SLC4A8: variants seen among roughly 807,000 people sequenced by gnomAD.
SLC4A8 encodes the protein solute carrier family 4 member 8, also known as electroneutral sodium bicarbonate exchanger 1.
SLC4A8 carries 40 observed loss-of-function variants against 125.0 expected under a neutral mutation model. The ratio of observed to expected loss-of-function variants is 0.32; its 90% CI spans 0.25 to 0.42. The LOEUF (loss-of-function observed/expected upper bound fraction) is 0.42. Among genes scored for constraint, SLC4A8 ranks in the 10% least tolerant of loss-of-function variants. SLC4A8 has a pLI of 1.00. For missense variants in SLC4A8, 863 were observed against 1,355.1 expected, an observed-to-expected ratio of 0.64 and a Z score of 5.70; for synonymous variants, 456 against 476.0, an observed-to-expected ratio of 0.96 and a Z score of 0.55.
At chr12:51,478,823 C>T (rs1308069377) in intron 16 of SLC4A8, among the ~76,000 whole-genome samples, 1 of 152,194 alleles carries the variant, frequency 6.6e-6, no homozygotes, top group Non-Finnish European at 1.5e-5. Flanking sequence ...GTGACTGGGG[C>T]CCCTGTCTCA....
chr12:51,412,297 T>C (rs1948610072), intron 1 of SLC4A8, among the ~76,000 whole-genome samples: 1 of 152,194 alleles, frequency 6.6e-6, no homozygotes, highest in Non-Finnish European at 1.5e-5. Context: ...TTAAAAATGT[T>C]CTAGTTGATG....
At chr12:51,480,641 C>T (rs1451143140) in intron 16 of SLC4A8, 2 of 984,922 alleles carry the variant, frequency 2.0e-6, no homozygotes, top group African/African-American at 1.7e-5. Flanking sequence ...GTTCATTGAT[C>T]TAAATGCCCG....
chr12:51,414,557 C>T (rs755895347), intron 1 of SLC4A8, among the ~76,000 whole-genome samples: 1 of 152,092 alleles, frequency 6.6e-6, no homozygotes, highest in Non-Finnish European at 1.5e-5. Flanking sequence ...TTGAGACCAG[C>T]CTGGGCAACA....
At position 51,404,371 on chromosome 12, in the gene SLC4A8, T is replaced by C. The variant is rs533107638; in HGVS notation, c.-112+12883T>C. Among the ~76,000 whole-genome samples the C allele has an allele frequency of 1.6e-4, 24 of 152,286 alleles. No homozygotes were observed. The South Asian group carries it at 5.0e-3, about 32-fold the overall frequency. ...CTTTTAGGGAACTACCTTCCTTTGA[T>C]TCTTAGTCCATGAAATTCAGATGAG... On this transcript the variant is annotated intron_variant, in intron 1 of 24. Transcript: ENST00000358657.
At chr12:51,470,335 C>T in intron 12 of SLC4A8, 57 bp from the exon 13 acceptor site, 1 of 1,554,152 alleles carries the variant, frequency 6.4e-7, no homozygotes, top group Non-Finnish European at 8.8e-7. Flanking sequence ...GTAGCTAAGC[C>T]AACATTACTC....
At chr12:51,400,854 G>A (rs1413369892) in intron 1 of SLC4A8, among the ~76,000 whole-genome samples, 14 of 114,482 alleles carry the variant, frequency 1.2e-4, no homozygotes, top group Non-Finnish European at 7.1e-5. Flanking sequence ...GTTTATATAC[G>A]TATATAAACA....
rs188497605 is a variant in SLC4A8, at chr12:51,413,381, G to C, written c.-112+21893G>C. On this transcript the variant is annotated intron_variant, in intron 1 of 24. Transcript: ENST00000358657. ...CTACAGGTTGTCTCTTTACTCTGTT[G>C]ATTGTTTCCTTTGCAGTGAAAGAGC... 9.7e-4 allele frequency among the ~76,000 whole-genome samples: 148 copies of C among 152,220 alleles called. 1 individual carries two copies. The highest frequency in any genetic ancestry group is 3.4e-3 in the African/African-American group (141 of 41,536).
chr12:51,500,779 C>T (rs184398054), intron 22 of SLC4A8, among the ~76,000 whole-genome samples: 4 of 151,124 alleles, frequency 2.6e-5, no homozygotes, highest in African/African-American at 7.3e-5. Context: ...CTCCGCCTCC[C>T]GGGTTCACGC....
intron 16 of SLC4A8, among the ~76,000 whole-genome samples, 161 bp downstream of exon 16, chr12:51,475,367 T>C (rs1443644276): frequency 6.6e-6 from 1 of 152,224 alleles, no homozygotes. Context: ...GCAGCCTCTT[T>C]CATAGATCTG....
At chr12:51,464,538 G>A (rs993474662) in intron 11 of SLC4A8, among the ~76,000 whole-genome samples, 3 of 152,170 alleles carry the variant, frequency 2.0e-5, no homozygotes, top group African/African-American at 7.2e-5. Flanking sequence ...GGTGGTAAAC[G>A]AGAATGATAT....
At chr12:51,496,410 T>G (rs944984896) in intron 21 of SLC4A8, among the ~76,000 whole-genome samples, 3 of 152,174 alleles carry the variant, frequency 2.0e-5, no homozygotes, top group Non-Finnish European at 4.4e-5. Flanking sequence ...GGAAATCAGC[T>G]GTCAGATTTT....
At chr12:51,501,843 G>A (rs1019544939) in intron 22 of SLC4A8, 1 of 152,192 alleles carries the variant, frequency 6.6e-6, no homozygotes, top group Non-Finnish European at 1.5e-5. Context: ...TTTAATAATA[G>A]TCGTTCTGAC....
intron 1 of SLC4A8, among the ~76,000 whole-genome samples, chr12:51,399,514 T>C (rs1444741792): frequency 6.6e-6 from 1 of 152,242 alleles, no homozygotes; most frequent in Non-Finnish European, 1.5e-5. Context: ...ATTTTAAAAG[T>C]AGTCCTCTTA....
intron 14 of SLC4A8, 113 bp downstream of exon 14, chr12:51,471,645 T>C: frequency 8.3e-7 from 1 of 1,203,204 alleles, no homozygotes; most frequent in Non-Finnish European, 1.2e-6. Context: ...GTCTTGCCCT[T>C]TAGGAAACGG....
intron 21 of SLC4A8, among the ~76,000 whole-genome samples, 162 bp from the exon 22 acceptor site, chr12:51,496,825 C>T (rs1356390629): frequency 6.6e-6 from 1 of 152,182 alleles, no homozygotes; most frequent in African/African-American, 2.4e-5. Flanking sequence ...ACACATGTTA[C>T]CTGGCACAAA....
At chr12:51,410,708 C>T (rs991233549) in intron 1 of SLC4A8, among the ~76,000 whole-genome samples, 2 of 152,112 alleles carry the variant, frequency 1.3e-5, no homozygotes, top group Non-Finnish European at 2.9e-5. Flanking sequence ...GATCCACCTG[C>T]CTCGGCCTCC....
rs1950690736 is a variant in SLC4A8, at chr12:51,471,305, C to T, written c.1677C>T (p.Tyr559=). 1 of 1,612,644 alleles carries T rather than the reference C, an allele frequency of 6.2e-7. No homozygotes were observed. Among genetic ancestry groups the T allele is most frequent in the Non-Finnish European group, 8.5e-7 (1 of 1,179,916 alleles). ...GTTTCAGAGACTATGCTCTTTCATA[C>T]CTCTCCCTGCGAGCTTGTATTGGAC... ...FKFCKDYALS[Y]LSLRACIGLW... is the part of the protein sequence containing the mutation. The change falls in exon 14 of 25, where the codon TAC becomes TAT. Residue 559 remains tyrosine (Y), a synonymous_variant. Transcript: ENST00000453097.
chr12:51,505,347 A>G (rs949007416), intron 23 of SLC4A8, among the ~76,000 whole-genome samples: 1 of 152,150 alleles, frequency 6.6e-6, no homozygotes, highest in Non-Finnish European at 1.5e-5. Context: ...TCATTTCTGC[A>G]CCTTCAAAAT....
chr12:51,402,824 T>A (rs1948417218), intron 1 of SLC4A8, among the ~76,000 whole-genome samples: 2 of 152,206 alleles, frequency 1.3e-5, no homozygotes, highest in Non-Finnish European at 2.9e-5. Flanking sequence ...GATTCCACTC[T>A]CCTTGCCAGT....
Sources: gnomAD v4.1 joint callset for allele counts (sites outside exome capture counted in the v4.1 genomes callset) on GRCh38, gnomAD v4.1.1 for gene constraint, MANE v1.5 for transcripts, NCBI Gene and HGNC (gene_info 2026-07-23, HGNC 2026-07-21) for gene names.